PCDHA6: variants seen among roughly 807,000 people sequenced by gnomAD.
PCDHA6 encodes the protein protocadherin alpha 6.
Under a neutral mutation model 60.3 loss-of-function variants are expected in PCDHA6, and 55 were observed. The observed-to-expected ratio is 0.91, with a 90% CI of 0.73 to 1.14. The LOEUF (loss-of-function observed/expected upper bound fraction) is 1.14, where lower values mean the gene tolerates loss of function less well. Ranked by LOEUF, PCDHA6 falls within the 50% of genes most tolerant of loss-of-function variation. The pLI is 0.00. For missense variants in PCDHA6, 1,327 were observed against 1,256.5 expected (o/e 1.06, Z -0.85); for synonymous variants, 652 against 557.9 (o/e 1.17, Z -2.38).
intron 1 of PCDHA6, among the ~76,000 whole-genome samples, chr5:140,922,302 A>G (rs2080767601): frequency 6.6e-6 from 1 of 152,222 alleles, no homozygotes; most frequent in African/African-American, 2.4e-5. Flanking sequence ...AGGAGAGGAT[A>G]CCTTTCACTG....
intron 1 of PCDHA6, among the ~76,000 whole-genome samples, chr5:140,972,812 C>T (rs782305867): frequency 5.3e-5 from 8 of 151,914 alleles, no homozygotes; most frequent in East Asian, 3.9e-4. Context: ...TACAGGCACG[C>T]GCCACCACGC....
At chr5:141,009,257 C>T (rs1375950001) in intron 3 of PCDHA6, among the ~76,000 whole-genome samples, 1 of 152,136 alleles carries the variant, frequency 6.6e-6, no homozygotes, top group East Asian at 1.9e-4. Flanking sequence ...GTGTTTGAGA[C>T]CAGCCTGGGC....
chr5:141,003,741 A>G (rs1291595687), intron 3 of PCDHA6, among the ~76,000 whole-genome samples: 5 of 152,180 alleles, frequency 3.3e-5, no homozygotes, highest in South Asian at 2.1e-4. Flanking sequence ...AAGCAAAACC[A>G]TATTTTGTAT....
intron 1 of PCDHA6, chr5:140,862,920 G>A (rs2047655483): frequency 3.6e-6 from 2 of 548,666 alleles, no homozygotes; most frequent in African/African-American, 3.8e-5. Flanking sequence ...CGCCTTGGGT[G>A]GGCTGGCGGC....
In PCDHA6 at chr5:140,830,061, C is replaced by T. The variant is rs2150180450; in HGVS notation, c.1970C>T (p.Pro657Leu). Residue 657 changes from proline (P) to leucine (L), a missense_variant, in exon 1 of 4, where the codon CCG becomes CTG. Coordinates refer to ENST00000529310, the MANE Select transcript of PCDHA6 (RefSeq NM_018909.4). ...GTGCTGGTGAAAGACCACGGTGAGCCGGCGCTGACAGCGACGGCCACGGTT... is the reference window on the plus strand; with the variant it reads ...GTGCTGGTGAAAGACCACGGTGAGCTGGCGCTGACAGCGACGGCCACGGTT... ...LLVLVKDHGE[P>L]ALTATATVLV... The T allele has an allele frequency of 3.7e-6, 6 of 1,613,604 alleles. No individual in the cohort carries two copies. In the African/African-American group the frequency reaches 5.3e-5, roughly 14 times the overall value.
rs2150153911 is a variant in PCDHA6 at position 140,828,315 on chromosome 5, T to C, written c.224T>C (p.Leu75Pro). 6.0e-5 allele frequency: 97 copies of C among 1,614,054 alleles called. No homozygotes were observed. The highest frequency in any genetic ancestry group is 6.7e-5 in the Admixed American group (4 of 60,014). ...RMASKDREDL[L>P]EVNLQNGILF... ...GCCTCCAAAGACCGCGAGGACCTTC[T>C]GGAGGTAAATCTGCAGAATGGCATT... The change falls in exon 1 of 4, where the codon CTG becomes CCG. Residue 75 changes from leucine to proline, a missense_variant. Coordinates refer to ENST00000529310, the MANE Select transcript of PCDHA6 (RefSeq NM_018909.4).
In PCDHA6 at chr5:140,846,477, T is replaced by C. The variant is rs1780501842; in HGVS notation, c.2394+15992T>C. ...GCAACCTCTGCCTCCCGGGTTCAAA[T>C]GATTCTCCTTCCTCAGCCTCCCAAG... is the stretch of plus-strand genomic sequence containing the variant. On this transcript the variant is annotated intron_variant, in intron 1 of 3. Coordinates refer to ENST00000529310, the MANE Select transcript of PCDHA6 (RefSeq NM_018909.4). Among the ~76,000 whole-genome samples the C allele has an allele frequency of 1.4e-5, 2 of 143,268 alleles. 1 individual carries two copies. Among genetic ancestry groups the C allele is most frequent in the Non-Finnish European group, 3.1e-5 (2 of 65,332 alleles). 94.0% of individuals were successfully genotyped at this position (143,268 alleles called of 152,430 possible).
chr5:140,862,306 C>G (rs184682479), intron 1 of PCDHA6: 1 of 279,556 alleles, frequency 3.6e-6, no homozygotes, highest in East Asian at 8.6e-5. Context: ...CACTGGGTAC[C>G]GTCATAGCCC....
In PCDHA6 at chr5:140,849,626, A is replaced by C. The variant is rs141672026; in HGVS notation, c.2394+19141A>C. ...TTGCCCTGATTAGTGTGATCGACCT[A>C]GACGCAGATGCCAACGGGCAGGTTA... On this transcript the variant is annotated intron_variant, in intron 1 of 3. Transcript: ENST00000529310. 6.8e-4 allele frequency: 1,095 copies of C among 1,598,786 alleles called. 108 individuals carry two copies. The highest frequency in any genetic ancestry group is 1.2e-3 in the South Asian group (106 of 90,568).
chr5:140,850,744 A>G (rs2150496809), intron 1 of PCDHA6: 2 of 1,597,586 alleles, frequency 1.3e-6, no homozygotes, highest in Non-Finnish European at 1.7e-6. Context: ...AGTTGGTCGT[A>G]CTCGCAGCAG....
chr5:140,869,977 T>C (rs2051552630), intron 1 of PCDHA6: 1 of 1,613,234 alleles, frequency 6.2e-7, no homozygotes, highest in Non-Finnish European at 8.5e-7. Flanking sequence ...AAGACACTTA[T>C]TTACACTAGA....
intron 3 of PCDHA6, among the ~76,000 whole-genome samples, chr5:140,993,307 A>G (rs1388803376): frequency 6.6e-6 from 1 of 152,056 alleles, no homozygotes; most frequent in Non-Finnish European, 1.5e-5. Flanking sequence ...TGCCTCCAGG[A>G]TAATACCTTC....
intron 3 of PCDHA6, among the ~76,000 whole-genome samples, chr5:140,985,081 G>C (rs1028077723): frequency 1.3e-5 from 2 of 152,088 alleles, no homozygotes; most frequent in African/African-American, 4.8e-5. Flanking sequence ...GAGACTACAG[G>C]CGTGTGCCAC....
At chr5:140,836,080 T>C (rs1470495662) in intron 1 of PCDHA6, 12 of 1,613,584 alleles carry the variant, frequency 7.4e-6, no homozygotes, top group African/African-American at 1.3e-5. Context: ...CCGGCACTGC[T>C]GGCGCCTCGG....
At chr5:140,870,633 C>A in intron 1 of PCDHA6, 2 of 1,612,872 alleles carry the variant, frequency 1.2e-6, no homozygotes, top group Middle Eastern at 1.8e-4. Context: ...TGTCGGTGCA[C>A]GCGGAGAGCG....
intron 3 of PCDHA6, among the ~76,000 whole-genome samples, chr5:141,002,751 C>T (rs1204940300): frequency 3.9e-5 from 6 of 152,152 alleles, no homozygotes; most frequent in African/African-American, 1.4e-4. Context: ...CATCGACAAC[C>T]CTGTGATGTA....
At chr5:140,994,817 T>C (rs1362838008) in intron 3 of PCDHA6, among the ~76,000 whole-genome samples, 3 of 152,068 alleles carry the variant, frequency 2.0e-5, no homozygotes, top group African/African-American at 7.2e-5. Context: ...TACAAAAAAC[T>C]GAATTGTGTA....
At chr5:141,001,977 A>T (rs527826696) in intron 3 of PCDHA6, among the ~76,000 whole-genome samples, 1 of 152,246 alleles carries the variant, frequency 6.6e-6, no homozygotes, top group South Asian at 2.1e-4. Flanking sequence ...CTCTGCGCGG[A>T]AAGCCTGGAA....
At chr5:140,843,592 G>C in intron 1 of PCDHA6, 1 of 1,596,002 alleles carries the variant, frequency 6.3e-7, no homozygotes, top group African/African-American at 1.3e-5. Context: ...AGCCGCAGAG[G>C]GTGTGCTCTG....
Sources: allele counts gnomAD v4.1 joint callset (sites outside exome capture counted in the v4.1 genomes callset), GRCh38; gene constraint gnomAD v4.1.1; transcripts MANE v1.5; gene names NCBI Gene and HGNC (gene_info 2026-07-23, HGNC 2026-07-21).